GALNTL5: variants seen among roughly 807,000 people sequenced by gnomAD.
GALNTL5 encodes polypeptide N-acetylgalactosaminyltransferase like 5.
In GALNTL5, 44 loss-of-function variants were observed where a neutral mutation model predicts 51.0. That is an observed-to-expected ratio of 0.86 (90% CI 0.68 to 1.11). The LOEUF is 1.11. Ranked by LOEUF, GALNTL5 falls within the 50% of genes least tolerant of loss-of-function variation. GALNTL5 has a pLI of 0.00. For synonymous variants in GALNTL5, 192 were observed against 182.8 expected (o/e 1.05, Z -0.41); for missense variants, 528 against 531.8 (o/e 0.99, Z 0.07).
chr7:152,009,075 C>T (rs2081694726), intron 7 of GALNTL5, among the ~76,000 whole-genome samples: 1 of 152,120 alleles, frequency 6.6e-6, no homozygotes, highest in Non-Finnish European at 1.5e-5. Context: ...TTCCTGATGG[C>T]CTGTCATATC....
At chr7:151,975,297 T>G (rs2081192595) in intron 3 of GALNTL5, among the ~76,000 whole-genome samples, 1 of 152,136 alleles carries the variant, frequency 6.6e-6, no homozygotes, top group South Asian at 2.1e-4. Flanking sequence ...TCAGTCTTGA[T>G]AGGTTGTATG....
intron 3 of GALNTL5, among the ~76,000 whole-genome samples, chr7:151,981,076 TG>T (rs895382140): frequency 6.6e-6 from 1 of 152,156 alleles, no homozygotes; most frequent in Non-Finnish European, 1.5e-5. Context: ...CTCAATTTTC[TG>T]GCCCCAGTTG....
At chr7:152,015,941 C>T (rs2081807348) in intron 8 of GALNTL5, among the ~76,000 whole-genome samples, 1 of 152,134 alleles carries the variant, frequency 6.6e-6, no homozygotes, top group African/African-American at 2.4e-5. Flanking sequence ...GTGTAAGAAT[C>T]TCTCTGACAG....
intron 1 of GALNTL5, among the ~76,000 whole-genome samples, chr7:151,964,949 A>T (rs887934385): frequency 2.0e-5 from 3 of 152,072 alleles, no homozygotes; most frequent in Admixed American, 6.6e-5. Context: ...AGACAGATGG[A>T]CCCAGACACT....
chr7:151,985,171 C>G lies in GALNTL5; in HGVS notation c.536-1988C>G, dbSNP rs114821843. Reference sequence around the variant, plus strand: ...CCAGTTATGCCTCTGCAAGGCCCCACCTGCAAATACCATCATACTGAGGGG... The same window carrying G: ...CCAGTTATGCCTCTGCAAGGCCCCAGCTGCAAATACCATCATACTGAGGGG... On this transcript the variant is annotated intron_variant, in intron 4 of 8. Transcript: ENST00000392800. Among the ~76,000 whole-genome samples, 1,331 of 152,278 alleles carry G rather than the reference C, an allele frequency of 8.7e-3. 14 individuals are homozygous for G. The highest frequency in any genetic ancestry group is 0.031 in the African/African-American group (1,281 of 41,556).
At chr7:151,981,008 G>T (rs1306576338) in intron 3 of GALNTL5, among the ~76,000 whole-genome samples, 1 of 152,038 alleles carries the variant, frequency 6.6e-6, no homozygotes, top group South Asian at 2.1e-4. Flanking sequence ...GCCTCCCAAA[G>T]TGCTGGGATT....
At chr7:151,979,535 C>G (rs993300980) in intron 3 of GALNTL5, among the ~76,000 whole-genome samples, 2 of 151,910 alleles carry the variant, frequency 1.3e-5, no homozygotes, top group Non-Finnish European at 2.9e-5. Context: ...TCTTGGCTCA[C>G]TGCAACCTCC....
chr7:151,969,060 G>A (rs144788142), intron 2 of GALNTL5, among the ~76,000 whole-genome samples: 1 of 152,170 alleles, frequency 6.6e-6, no homozygotes, highest in East Asian at 1.9e-4. Flanking sequence ...CAAATATGTA[G>A]TTTGCCTTTT....
At chr7:152,007,654 G>A (rs546284785) in intron 6 of GALNTL5, among the ~76,000 whole-genome samples, 173 bp from the exon 7 acceptor site, 1 of 151,864 alleles carries the variant, frequency 6.6e-6, no homozygotes, top group Non-Finnish European at 1.5e-5. Flanking sequence ...TCCTGAACTC[G>A]TAATGCACCC....
At position 152,015,272 on chromosome 7, in the gene GALNTL5, T is replaced by G. The variant is rs554880889; in HGVS notation, c.1176+479T>G. Among the ~76,000 whole-genome samples, 9 of 152,096 alleles carry G rather than the reference T, an allele frequency of 5.9e-5. No individual in the cohort carries two copies. In the South Asian group the frequency reaches 1.7e-3, roughly 28 times the overall value. On this transcript the variant is annotated intron_variant, in intron 8 of 8. Transcript: ENST00000392800. ...TGAGCAGTCTTTTTTATGGAGGTGC[T>G]GGATCTATTCCCTCCGTTCCCACCT...
rs543247642 is a variant in GALNTL5 at position 151,997,559 on chromosome 7, C to T, written c.659-5155C>T. On this transcript the variant is annotated intron_variant, in intron 5 of 8. Transcript: ENST00000392800. Reference sequence around the variant, plus strand: ...GTAGGTGCTAGGTGGCCTGTTCCCACGTTTTTAACTTAAATCAAAATTCAG... The same window carrying T: ...GTAGGTGCTAGGTGGCCTGTTCCCATGTTTTTAACTTAAATCAAAATTCAG... Among the ~76,000 whole-genome samples the T allele has an allele frequency of 6.9e-4, 105 of 152,264 alleles. 1 individual carries two copies. The highest frequency in any genetic ancestry group is 2.4e-4 in the Non-Finnish European group (16 of 68,032).
In GALNTL5 at chr7:152,014,805, A is replaced by T. The variant is rs749697577; in HGVS notation, c.1176+12A>T. On this transcript the variant is annotated intron_variant, in intron 8 of 8. Transcript: ENST00000392800. ...TGGATGAATATAAGGTGGGGAACACATCCTTGACTTGGAAAATGTATGCGA... is the reference window on the plus strand; with the variant it reads ...TGGATGAATATAAGGTGGGGAACACTTCCTTGACTTGGAAAATGTATGCGA... The T allele has an allele frequency of 2.6e-5, 41 of 1,593,428 alleles. No individual in the cohort carries two copies. Among genetic ancestry groups the T allele is most frequent in the Non-Finnish European group, 3.4e-5 (40 of 1,171,446 alleles).
At chr7:151,979,803 T>G (rs143511845) in intron 3 of GALNTL5, among the ~76,000 whole-genome samples, 1 of 152,224 alleles carries the variant, frequency 6.6e-6, no homozygotes, top group African/African-American at 2.4e-5. Flanking sequence ...TTGATCTATT[T>G]TTGAGAAACC....
intron 5 of GALNTL5, among the ~76,000 whole-genome samples, chr7:151,989,767 C>A (rs946455137): frequency 3.3e-5 from 5 of 152,164 alleles, no homozygotes; most frequent in African/African-American, 1.2e-4. Flanking sequence ...ATGTTTGCCA[C>A]AGTTGGCCAA....
intron 7 of GALNTL5, among the ~76,000 whole-genome samples, chr7:152,009,122 A>G (rs1202768155): frequency 1.3e-5 from 2 of 152,216 alleles, no homozygotes; most frequent in Middle Eastern, 3.2e-3. Flanking sequence ...ATAAAGAAGT[A>G]TGTAAATTAA....
At chr7:151,961,598 G>A (rs1302050626) in intron 1 of GALNTL5, among the ~76,000 whole-genome samples, 2 of 152,200 alleles carry the variant, frequency 1.3e-5, no homozygotes, top group African/African-American at 4.8e-5. Flanking sequence ...AAGGCCAAGA[G>A]GATACTTGAG....
intron 4 of GALNTL5, 58 bp from the exon 5 acceptor site, chr7:151,987,101 C>G: frequency 7.1e-7 from 1 of 1,407,552 alleles, no homozygotes; most frequent in Non-Finnish European, 9.7e-7. Context: ...TGATGATACA[C>G]TGTTTCAATT....
In GALNTL5 at chr7:151,990,986, A is replaced by G. The variant is rs375491508; in HGVS notation, c.658+3705A>G. On this transcript the variant is annotated intron_variant, in intron 5 of 8. Transcript: ENST00000392800. ...AGTAGCTAGCTTTAACATAATAAAA[A>G]ACAAACATATCAATATTTTTCCTTT... Among the ~76,000 whole-genome samples the G allele has an allele frequency of 3.5e-4, 54 of 152,342 alleles. 1 individual carries two copies. The highest frequency in any genetic ancestry group is 1.2e-3 in the African/African-American group (50 of 41,578).
chr7:151,976,870 G>T (rs2081213250), intron 3 of GALNTL5, among the ~76,000 whole-genome samples: 1 of 152,064 alleles, frequency 6.6e-6, no homozygotes, highest in African/African-American at 2.4e-5. Flanking sequence ...GTTTCACCAT[G>T]TTGGTCAGGC....
Sources: allele counts gnomAD v4.1 joint callset (sites outside exome capture counted in the v4.1 genomes callset), GRCh38; gene constraint gnomAD v4.1.1; transcripts MANE v1.5; gene names NCBI Gene and HGNC (gene_info 2026-07-23, HGNC 2026-07-21).